PRKG1: variants seen among roughly 807,000 people sequenced by gnomAD.
PRKG1 encodes the protein cGMP-dependent protein kinase 1.
In PRKG1, 35 loss-of-function variants were observed where a neutral mutation model predicts 88.1. That is an observed-to-expected ratio of 0.40 (90% confidence interval 0.30 to 0.53). The LOEUF is 0.53. Ranked by LOEUF, PRKG1 falls within the 20% of genes least tolerant of loss-of-function variation. PRKG1 has a pLI of 0.59. For synonymous variants in PRKG1, 303 were observed against 292.5 expected (o/e 1.04, Z -0.37); for missense variants, 540 against 839.8 (o/e 0.64, Z 4.41).
intron 3 of PRKG1, among the ~76,000 whole-genome samples, chr10:51,549,972 T>C: frequency 6.6e-6 from 1 of 152,226 alleles, no homozygotes; most frequent in East Asian, 1.9e-4. Context: ...TCACTTATTA[T>C]CAGTCACAGA....
intron 2 of PRKG1, among the ~76,000 whole-genome samples, chr10:51,444,826 C>T (rs1305736505): frequency 6.6e-6 from 1 of 151,720 alleles, no homozygotes; most frequent in Non-Finnish European, 1.5e-5. Flanking sequence ...CTTTTTCCAC[C>T]CCAAAGAACT....
At chr10:51,750,088 A>G (rs376765619) in intron 3 of PRKG1, among the ~76,000 whole-genome samples, 183 of 152,040 alleles carry the variant, frequency 1.2e-3, no homozygotes, top group African/African-American at 4.1e-3. Flanking sequence ...GGCTCATGCC[A>G]CCATGCCCAG....
At chr10:51,452,326 T>C (rs183647616) in intron 2 of PRKG1, among the ~76,000 whole-genome samples, 29 of 152,078 alleles carry the variant, frequency 1.9e-4, no homozygotes, top group African/African-American at 6.7e-4. Context: ...TTTGGGACTA[T>C]ATTGAATAGA....
chr10:51,130,383 T>C (rs571759040), intron 1 of PRKG1, among the ~76,000 whole-genome samples: 1 of 152,266 alleles, frequency 6.6e-6, no homozygotes, highest in Non-Finnish European at 1.5e-5. Flanking sequence ...CTCTGTAGCC[T>C]ACACAATAAA....
At chr10:51,715,467 G>A (rs1294604573) in intron 3 of PRKG1, among the ~76,000 whole-genome samples, 1 of 152,138 alleles carries the variant, frequency 6.6e-6, no homozygotes, top group Non-Finnish European at 1.5e-5. Context: ...CAGGGGGTAT[G>A]CAGACTTCAC....
intron 4 of PRKG1, among the ~76,000 whole-genome samples, chr10:51,827,832 A>C (rs1481953994): frequency 6.6e-6 from 1 of 152,144 alleles, no homozygotes; most frequent in African/African-American, 2.4e-5. Context: ...CAATTCAGAA[A>C]GTTTAGGATT....
intron 9 of PRKG1, among the ~76,000 whole-genome samples, chr10:52,221,518 T>C (rs1334092856): frequency 6.6e-6 from 1 of 152,178 alleles, no homozygotes; most frequent in Non-Finnish European, 1.5e-5. Context: ...ATTTTTTGCA[T>C]ATGAAGCCTC....
intron 9 of PRKG1, among the ~76,000 whole-genome samples, chr10:52,204,341 C>A (rs1456259754): frequency 6.6e-6 from 1 of 152,050 alleles, no homozygotes; most frequent in Non-Finnish European, 1.5e-5. Context: ...CCACCTCGGC[C>A]TCCCAAAGTG....
chr10:51,625,695 A>AC (rs2132269379), intron 3 of PRKG1, among the ~76,000 whole-genome samples: 1 of 152,026 alleles, frequency 6.6e-6, no homozygotes, highest in African/African-American at 2.4e-5. Flanking sequence ...TGATATTTAA[A>AC]TTATGCTTCA....
chr10:51,213,705 T>TA (rs1469493358), intron 2 of PRKG1, among the ~76,000 whole-genome samples: 2 of 152,188 alleles, frequency 1.3e-5, no homozygotes, highest in African/African-American at 4.8e-5. Flanking sequence ...TAACTTATTT[T>TA]AAAAAAGACT....
chr10:51,610,374 G>A (rs1838876297), intron 3 of PRKG1, among the ~76,000 whole-genome samples: 1 of 152,066 alleles, frequency 6.6e-6, no homozygotes, highest in Non-Finnish European at 1.5e-5. Flanking sequence ...ACATATATGT[G>A]AGAACATGCA....
chr10:51,380,178 G>A (rs1373497), intron 2 of PRKG1, among the ~76,000 whole-genome samples: 28,976 of 151,998 alleles, frequency 0.19, 3,108 homozygotes, highest in East Asian at 0.35. Context: ...TCTATTTACA[G>A]ACTACATATT....
intron 4 of PRKG1, among the ~76,000 whole-genome samples, chr10:51,850,693 C>A (rs7095847): frequency 0.026 from 4,021 of 151,946 alleles, 198 homozygotes; most frequent in African/African-American, 0.091. Context: ...AGGTCATGAA[C>A]CAACAGAAAG....
intron 3 of PRKG1, among the ~76,000 whole-genome samples, chr10:51,654,077 T>G (rs1266197006): frequency 6.6e-6 from 1 of 152,116 alleles, no homozygotes. Flanking sequence ...GCTTTTCGGG[T>G]CATATTAAAA....
chr10:51,150,504 G>A (rs1846043303), intron 1 of PRKG1, among the ~76,000 whole-genome samples: 1 of 152,090 alleles, frequency 6.6e-6, no homozygotes, highest in Admixed American at 6.6e-5. Flanking sequence ...ACCATCTTTG[G>A]GGTTGTACTA....
rs542329994 is a variant in PRKG1, at chr10:51,005,501, T to C, written c.266+13857T>C. 3.2e-4 allele frequency among the ~76,000 whole-genome samples: 49 copies of C among 152,286 alleles called. 1 individual carries two copies. In the Middle Eastern group the frequency reaches 0.02, roughly 63 times the overall value. On this transcript the variant is annotated intron_variant, in intron 1 of 17. Coordinates refer to the PRKG1 transcript ENST00000401604. Reference sequence around the variant, plus strand: ...ACATGGTAAGCTGGACATTTGTAAATTGGAACAATAGGACAAAAGGAAATG... The same window carrying C: ...ACATGGTAAGCTGGACATTTGTAAACTGGAACAATAGGACAAAAGGAAATG...
intron 3 of PRKG1, among the ~76,000 whole-genome samples, chr10:51,641,241 G>T (rs1303724780): frequency 3.3e-5 from 5 of 152,076 alleles, no homozygotes; most frequent in Admixed American, 3.3e-4. Flanking sequence ...ATTTAGTGCC[G>T]CTCTCAAGAG....
At chr10:51,015,274 C>A (rs965509314) in intron 1 of PRKG1, among the ~76,000 whole-genome samples, 1 of 152,226 alleles carries the variant, frequency 6.6e-6, no homozygotes, top group East Asian at 1.9e-4. Flanking sequence ...AATTACTAAA[C>A]ATTATTGCCC....
chr10:52,006,384 C>G (rs944439077), intron 5 of PRKG1, among the ~76,000 whole-genome samples: 2 of 152,040 alleles, frequency 1.3e-5, no homozygotes, highest in African/African-American at 4.8e-5. Flanking sequence ...ATCTAAGAAT[C>G]ATAATAAAAT....
Sources: allele counts gnomAD v4.1 joint callset (sites outside exome capture counted in the v4.1 genomes callset), GRCh38; gene constraint gnomAD v4.1.1; transcripts MANE v1.5; gene names NCBI Gene and HGNC (gene_info 2026-07-23, HGNC 2026-07-21).